Variants in DYNC1I1 observed in about 807,000 individuals in gnomAD.
DYNC1I1 encodes the protein cytoplasmic dynein 1 intermediate chain 1.
Under a neutral mutation model 86.6 loss-of-function variants are expected in DYNC1I1, and 43 were observed. That is an observed-to-expected ratio of 0.50 (90% CI 0.39 to 0.64). DYNC1I1 has a LOEUF of 0.64. Among genes scored for constraint, DYNC1I1 ranks in the 30% least tolerant of loss-of-function variants. The probability of loss-of-function intolerance (pLI) is 0.00; values close to 1 mark genes in which losing one functional copy is unlikely to be tolerated. For synonymous variants in DYNC1I1, 262 were observed against 283.7 expected, an observed-to-expected ratio of 0.92 and a Z score of 0.77; for missense variants, 604 against 788.8, an observed-to-expected ratio of 0.77 and a Z score of 2.81.
intron 6 of DYNC1I1, among the ~76,000 whole-genome samples, chr7:95,875,399 G>A (rs1018363536): frequency 2.6e-5 from 4 of 152,194 alleles, no homozygotes; most frequent in African/African-American, 9.7e-5. Flanking sequence ...CCGAGAGAAT[G>A]CAGTTCCTTT....
intron 10 of DYNC1I1, among the ~76,000 whole-genome samples, chr7:96,023,033 C>A (rs1794591902): frequency 6.6e-6 from 1 of 152,050 alleles, no homozygotes; most frequent in African/African-American, 2.4e-5. Flanking sequence ...GGGTTTTCAA[C>A]AGCAGTCTTC....
At chr7:95,849,249 T>C (rs1789515576) in intron 5 of DYNC1I1, among the ~76,000 whole-genome samples, 1 of 152,190 alleles carries the variant, frequency 6.6e-6, no homozygotes, top group Non-Finnish European at 1.5e-5. Context: ...TTGTCTGTTT[T>C]TGCTTTTGCA....
At chr7:96,075,370 G>T (rs1790298570) in intron 14 of DYNC1I1, among the ~76,000 whole-genome samples, 1 of 152,154 alleles carries the variant, frequency 6.6e-6, no homozygotes, top group South Asian at 2.1e-4. Flanking sequence ...TGTTCATTTT[G>T]TACAGAGGTT....
chr7:95,914,129 C>A (rs770980831), intron 6 of DYNC1I1, among the ~76,000 whole-genome samples: 10 of 152,202 alleles, frequency 6.6e-5, no homozygotes, highest in African/African-American at 2.4e-4. Flanking sequence ...GGGCACCAGA[C>A]CTGTTACTCC....
intron 6 of DYNC1I1, among the ~76,000 whole-genome samples, chr7:95,924,278 A>G (rs1791685148): frequency 6.6e-6 from 1 of 152,188 alleles, no homozygotes; most frequent in Non-Finnish European, 1.5e-5. Flanking sequence ...TCCTTCCAAT[A>G]CAATAGCCAC....
At chr7:96,040,494 A>G (rs1318249363) in intron 14 of DYNC1I1, among the ~76,000 whole-genome samples, 1 of 152,094 alleles carries the variant, frequency 6.6e-6, no homozygotes, top group East Asian at 1.9e-4. Flanking sequence ...CAGATAACCC[A>G]GGTTTAAGAC....
intron 6 of DYNC1I1, among the ~76,000 whole-genome samples, chr7:95,910,781 G>A (rs1339715120): frequency 6.6e-6 from 1 of 152,164 alleles, no homozygotes; most frequent in Non-Finnish European, 1.5e-5. Flanking sequence ...ACCTGTTAAA[G>A]AGGCAATAGC....
chr7:95,986,428 A>G (rs1793596285), intron 8 of DYNC1I1, among the ~76,000 whole-genome samples: 1 of 152,142 alleles, frequency 6.6e-6, no homozygotes. Flanking sequence ...GTGTCAGCCA[A>G]GTAAACACTG....
At chr7:95,898,865 A>G (rs1004954010) in intron 6 of DYNC1I1, among the ~76,000 whole-genome samples, 1 of 152,164 alleles carries the variant, frequency 6.6e-6, no homozygotes, top group Non-Finnish European at 1.5e-5. Flanking sequence ...TATCCTGGTG[A>G]TTAGACTCGA....
chr7:95,859,435 C>T (rs116007013), intron 5 of DYNC1I1, among the ~76,000 whole-genome samples: 3,076 of 152,294 alleles, frequency 0.02, 114 homozygotes, highest in African/African-American at 0.07. Context: ...GATATACATG[C>T]TTATTCCAGT....
chr7:95,888,297 C>A (rs1029027768), intron 6 of DYNC1I1, among the ~76,000 whole-genome samples: 2 of 151,942 alleles, frequency 1.3e-5, no homozygotes, highest in Admixed American at 6.6e-5. Flanking sequence ...TCTAGCTGAA[C>A]GTGGTAGTGC....
chr7:95,927,703 A>C (rs989698837), intron 6 of DYNC1I1, among the ~76,000 whole-genome samples: 2 of 152,136 alleles, frequency 1.3e-5, no homozygotes, highest in African/African-American at 4.8e-5. Context: ...GACACTCTTC[A>C]TACTATTTTT....
At position 95,777,506 on chromosome 7, in the gene DYNC1I1, G is replaced by A. The variant is rs115549634; in HGVS notation, c.-10+4733G>A. ...GGGCACTACTTACCAGATGACTTAC[G>A]TGCTCTTTAGTTTTCAGTTCATACT... On this transcript the variant is annotated intron_variant, in intron 1 of 16. Transcript: ENST00000447467. 3.3e-3 allele frequency among the ~76,000 whole-genome samples: 502 copies of A among 152,248 alleles called. 3 individuals are homozygous for A. Among genetic ancestry groups the A allele is most frequent in the African/African-American group, 0.011 (475 of 41,558 alleles).
At chr7:95,956,983 G>A (rs899103193) in intron 6 of DYNC1I1, among the ~76,000 whole-genome samples, 1 of 152,156 alleles carries the variant, frequency 6.6e-6, no homozygotes, top group African/African-American at 2.4e-5. Context: ...TGCTTCATCT[G>A]GTAGTTGTGT....
intron 5 of DYNC1I1, among the ~76,000 whole-genome samples, chr7:95,833,309 G>C (rs1373551814): frequency 9.5e-5 from 14 of 147,114 alleles, no homozygotes; most frequent in Admixed American, 1.4e-4. Context: ...TGAGGGCTCT[G>C]TTCTGTTCCA....
chr7:96,061,933 G>T (rs893343841), intron 14 of DYNC1I1, among the ~76,000 whole-genome samples: 4 of 152,138 alleles, frequency 2.6e-5, no homozygotes, highest in Admixed American at 6.5e-5. Context: ...GTAAGGCGGG[G>T]TGATAACATT....
intron 1 of DYNC1I1, among the ~76,000 whole-genome samples, chr7:95,790,124 C>A (rs919267737): frequency 2.0e-5 from 3 of 152,174 alleles, no homozygotes; most frequent in African/African-American, 7.2e-5. Context: ...CAGAGAAGTT[C>A]AGACCCCCTT....
intron 2 of DYNC1I1, among the ~76,000 whole-genome samples, chr7:95,806,717 T>C (rs1013086636): frequency 1.3e-5 from 2 of 152,180 alleles, no homozygotes; most frequent in Admixed American, 1.3e-4. Flanking sequence ...GGTCAGATTT[T>C]GGGATCCGTT....
At chr7:95,781,263 T>A (rs1404614031) in intron 1 of DYNC1I1, among the ~76,000 whole-genome samples, 1 of 152,238 alleles carries the variant, frequency 6.6e-6, no homozygotes, top group African/African-American at 2.4e-5. Flanking sequence ...CCTCCTATTT[T>A]AAGCTTTTTA....
Sources: allele counts gnomAD v4.1 joint callset (sites outside exome capture counted in the v4.1 genomes callset), GRCh38; gene constraint gnomAD v4.1.1; transcripts MANE v1.5; gene names NCBI Gene and HGNC (gene_info 2026-07-23, HGNC 2026-07-21).